Variants in SUN3 observed in about 807,000 individuals in gnomAD.
The protein encoded by SUN3 is SUN domain-containing protein 3.
Under a neutral mutation model 48.2 loss-of-function variants are expected in SUN3, and 36 were observed. The ratio of observed to expected loss-of-function variants is 0.75; its 90% confidence interval spans 0.57 to 0.99. SUN3 has a LOEUF of 0.99. Ranked by LOEUF, SUN3 falls within the 50% of genes least tolerant of loss-of-function variation. The pLI is 0.00. For missense variants in SUN3, 419 were observed against 433.1 expected, an observed-to-expected ratio of 0.97 and a Z score of 0.29; for synonymous variants, 148 against 147.9, an observed-to-expected ratio of 1.00 and a Z score of 0.00.
At chr7:48,009,795 T>C (rs1422070486) in intron 3 of SUN3, among the ~76,000 whole-genome samples, 2 of 152,054 alleles carry the variant, frequency 1.3e-5, no homozygotes, top group East Asian at 1.9e-4. Context: ...ACTGGGAAGA[T>C]AGAGCATGCT....
intron 5 of SUN3, among the ~76,000 whole-genome samples, chr7:48,006,782 A>G (rs927495609): frequency 6.6e-6 from 1 of 152,214 alleles, no homozygotes; most frequent in African/African-American, 2.4e-5. Flanking sequence ...TTTCCAACAC[A>G]GTTTTGCCTG....
At chr7:47,991,708 G>GT (rs1237812235) in intron 8 of SUN3, among the ~76,000 whole-genome samples, 2 of 152,178 alleles carry the variant, frequency 1.3e-5, no homozygotes, top group Non-Finnish European at 2.9e-5. Context: ...TACTCGGGCT[G>GT]TACGTGGACC....
Position 47,988,804 on chromosome 7 carries a change from T to A in SUN3, c.938A>T (p.Gln313Leu). 1.2e-6 allele frequency: 2 copies of A among 1,605,596 alleles called. No homozygotes were observed. The highest frequency in any genetic ancestry group is 1.7e-6 in the Non-Finnish European group (2 of 1,175,074). Residue 313 changes from glutamine to leucine, a missense_variant, in exon 9 of 10, where the codon CAA (glutamine) becomes CTA (leucine). By Grantham distance (113) the Gln-to-Leu change is moderately radical (BLOSUM62 -2). Transcript: ENST00000297325. ...FIYNKTGTTV[Q>L]TFELQHAVSE... ...ATACATTACCTGGAGTTCAAATGTT[T>A]GAACGGTGGTTCCTGTTTTGTTATA...
upstream of SUN3, among the ~76,000 whole-genome samples, chr7:48,033,388 A>T (rs921948843): frequency 7.7e-6 from 1 of 130,242 alleles, no homozygotes; most frequent in African/African-American, 3.2e-5. Context: ...TAGCAAGACC[A>T]TTGTCTCTAA....
chr7:48,034,088 A>G (rs1051254643), upstream of SUN3, among the ~76,000 whole-genome samples: 6 of 152,190 alleles, frequency 3.9e-5, no homozygotes, highest in African/African-American at 1.4e-4. Context: ...TCTCTTGACC[A>G]TACAATCCCG....
intron 6 of SUN3, among the ~76,000 whole-genome samples, chr7:47,997,678 A>G (rs1789250614): frequency 6.6e-6 from 1 of 152,196 alleles, no homozygotes; most frequent in Non-Finnish European, 1.5e-5. Context: ...CAATTTTAGA[A>G]CATTTAGTCA....
Position 47,987,206 on chromosome 7 carries a change from A to G in SUN3, c.*124T>C. ...ATGCATTTACTTTTTACAGGCAAGT[A>G]TGAACCACTTTGAGGTTTTCTTCCC... On this transcript the variant is annotated 3_prime_UTR_variant, in exon 10 of 10. Coordinates refer to ENST00000297325, the MANE Select transcript of SUN3 (RefSeq NM_001030019.2). The G allele has an allele frequency of 1.0e-6, 1 of 974,610 alleles. No individual in the cohort carries two copies. The highest frequency in any genetic ancestry group is 1.4e-6 in the Non-Finnish European group (1 of 702,302). The allele number at this position is 974,610 out of a possible 1,614,324, so 60.4% of individuals were successfully genotyped here.
chr7:48,005,863 T>G, intron 6 of SUN3, 106 bp downstream of exon 6: 12 of 490,478 alleles, frequency 2.4e-5, no homozygotes, highest in Non-Finnish European at 3.9e-5. Context: ...CCCCCCCAAG[T>G]TACCAGATAA....
chr7:48,005,477 A>G (rs1789498310), intron 6 of SUN3, among the ~76,000 whole-genome samples: 1 of 152,164 alleles, frequency 6.6e-6, no homozygotes. Context: ...CTGAACACAT[A>G]TTGTCCATAG....
chr7:48,019,263 A>T (rs554949782), intron 2 of SUN3, among the ~76,000 whole-genome samples: 1 of 152,236 alleles, frequency 6.6e-6, no homozygotes, highest in South Asian at 2.1e-4. Flanking sequence ...AAAGAAATGA[A>T]GAAATAAATA....
intron 6 of SUN3, among the ~76,000 whole-genome samples, chr7:47,997,289 T>C (rs1295064951): frequency 6.6e-6 from 1 of 152,174 alleles, no homozygotes; most frequent in Non-Finnish European, 1.5e-5. Context: ...TAAAAGATTA[T>C]TTGCTATTTG....
intron 1 of SUN3, among the ~76,000 whole-genome samples, 178 bp from the exon 2 acceptor site, chr7:48,026,116 C>T (rs1307244542): frequency 6.6e-6 from 1 of 151,970 alleles, no homozygotes; most frequent in South Asian, 2.1e-4. Flanking sequence ...GAGAGAAGAT[C>T]GTTTTAGTGA....
the SUN3 span, among the ~76,000 whole-genome samples, chr7:48,034,244 A>C: frequency 6.6e-6 from 1 of 152,228 alleles, no homozygotes; most frequent in South Asian, 2.1e-4. Context: ...GAAGATGCTT[A>C]GAATTCATTA....
At position 48,011,843 on chromosome 7, in the gene SUN3, G is replaced by T. The variant is rs189708054; in HGVS notation, c.289-2768C>A. On this transcript the variant is annotated intron_variant, in intron 3 of 9. Coordinates refer to ENST00000297325, the MANE Select transcript of SUN3 (RefSeq NM_001030019.2). ...GATAAAATAAAGATTGGAAAAGTAAGATAATGCGAGAAGGATGAAGTTGGA... is the reference window on the plus strand; with the variant it reads ...GATAAAATAAAGATTGGAAAAGTAATATAATGCGAGAAGGATGAAGTTGGA... Among the ~76,000 whole-genome samples, 25 of 152,324 alleles carry T rather than the reference G, an allele frequency of 1.6e-4. No homozygotes were observed. In the East Asian group the frequency reaches 4.6e-3, roughly 28 times the overall value.
chr7:48,006,549 A>C (rs547516396), intron 5 of SUN3, among the ~76,000 whole-genome samples: 2 of 151,596 alleles, frequency 1.3e-5, no homozygotes, highest in East Asian at 3.9e-4. Context: ...TCATTCTAAA[A>C]AACGAACAAA....
At chr7:48,006,282 G>A (rs1789523064) in intron 5 of SUN3, among the ~76,000 whole-genome samples, 1 of 151,968 alleles carries the variant, frequency 6.6e-6, no homozygotes, top group Non-Finnish European at 1.5e-5. Context: ...GGTGTGTTCA[G>A]GGACTCCCAC....
chr7:48,003,669 A>G (rs1025306398), intron 6 of SUN3, among the ~76,000 whole-genome samples: 1 of 152,170 alleles, frequency 6.6e-6, no homozygotes, highest in Non-Finnish European at 1.5e-5. Flanking sequence ...TTTTGTGGCA[A>G]TTGTGAATGG....
intron 8 of SUN3, among the ~76,000 whole-genome samples, chr7:47,990,599 G>T (rs1052513320): frequency 3.9e-5 from 6 of 151,978 alleles, no homozygotes; most frequent in African/African-American, 9.7e-5. Context: ...TCCACCTGAC[G>T]AGAAACGCCC....
At chr7:48,017,670 G>T (rs1273438157) in intron 2 of SUN3, among the ~76,000 whole-genome samples, 1 of 152,106 alleles carries the variant, frequency 6.6e-6, no homozygotes, top group Non-Finnish European at 1.5e-5. Flanking sequence ...AGAGCATGTG[G>T]CATTTTTCTT....
Sources: gnomAD v4.1 joint callset for allele counts (sites outside exome capture counted in the v4.1 genomes callset) on GRCh38, gnomAD v4.1.1 for gene constraint, MANE v1.5 for transcripts, NCBI Gene and HGNC (gene_info 2026-07-23, HGNC 2026-07-21) for gene names.